Variants in COL5A2 observed in about 807,000 individuals in gnomAD.
COL5A2 encodes collagen type V alpha 2 chain.
Under a neutral mutation model 208.2 loss-of-function variants are expected in COL5A2, and 23 were observed. That is an observed-to-expected ratio of 0.11 (90% CI 0.08 to 0.16). The LOEUF (loss-of-function observed/expected upper bound fraction) is 0.16. Ranked by LOEUF, COL5A2 falls within the 10% of genes least tolerant of loss-of-function variation. The pLI is 1.00. For missense variants in COL5A2, 1,590 were observed against 1,956.4 expected (o/e 0.81, Z 3.53); for synonymous variants, 625 against 628.5 (o/e 0.99, Z 0.08).
intron 1 of COL5A2, among the ~76,000 whole-genome samples, chr2:189,147,865 A>C (rs1576556122): frequency 1.3e-5 from 2 of 152,206 alleles, no homozygotes; most frequent in East Asian, 3.9e-4. Flanking sequence ...GAGAAGGAGG[A>C]AGAGAAGCTT....
chr2:189,409,041 T>C, the COL5A2 span, among the ~76,000 whole-genome samples: 13 of 152,158 alleles, frequency 8.5e-5, no homozygotes, highest in African/African-American at 2.9e-4. Context: ...TTTCACTCCA[T>C]GGCATTTATC....
chr2:189,200,227 C>G (rs765536407), intron 1 of COL5A2, among the ~76,000 whole-genome samples: 1 of 152,082 alleles, frequency 6.6e-6, no homozygotes, highest in African/African-American at 2.4e-5. Flanking sequence ...AACTAAACAA[C>G]TAATCCAAAT....
chr2:189,170,509 G>A (rs192451652), intron 1 of COL5A2, among the ~76,000 whole-genome samples: 163 of 152,258 alleles, frequency 1.1e-3, no homozygotes, highest in African/African-American at 3.7e-3. Flanking sequence ...GCAGAACTTG[G>A]AGGAAAACAT....
At chr2:189,436,323 G>C in the COL5A2 span, among the ~76,000 whole-genome samples, 1 of 152,128 alleles carries the variant, frequency 6.6e-6, no homozygotes, top group Non-Finnish European at 1.5e-5. Context: ...CACAGCAAAA[G>C]AAACTACCAT....
intron 1 of COL5A2, among the ~76,000 whole-genome samples, chr2:189,221,399 G>A (rs1159995529): frequency 6.6e-6 from 1 of 152,060 alleles, no homozygotes; most frequent in African/African-American, 2.4e-5. Flanking sequence ...TGTATCCTGT[G>A]CTGGTAATAA....
chr2:189,214,583 T>A (rs1280173736), intron 1 of COL5A2, among the ~76,000 whole-genome samples: 1 of 152,154 alleles, frequency 6.6e-6, no homozygotes, highest in Non-Finnish European at 1.5e-5. Context: ...CTTCATTTTT[T>A]AATATTTATT....
chr2:189,255,306 C>G, the COL5A2 span, among the ~76,000 whole-genome samples: 1 of 152,164 alleles, frequency 6.6e-6, no homozygotes, highest in African/African-American at 2.4e-5. Flanking sequence ...ATTATTAAAA[C>G]AGTAACATTT....
In COL5A2 at chr2:189,224,819, T is replaced by G. The variant is rs377231935; in HGVS notation, c.-42+329A>C. Among the ~76,000 whole-genome samples the G allele has an allele frequency of 2.6e-5, 4 of 151,902 alleles. No homozygotes were observed. In the East Asian group the frequency reaches 7.7e-4, roughly 29 times the overall value. On this transcript the variant is annotated intron_variant, in intron 1 of 10. Coordinates refer to the COL5A2 transcript ENST00000649966. ...TTCTATGCATCCAAAAACCATTAAG[T>G]GAAAGTAAGAACATATAAAAAAAAA... is the stretch of plus-strand genomic sequence containing the variant.
At chr2:189,163,412 A>G (rs187096507) in intron 1 of COL5A2, among the ~76,000 whole-genome samples, 1 of 152,300 alleles carries the variant, frequency 6.6e-6, no homozygotes, top group East Asian at 1.9e-4. Flanking sequence ...TTTTCTCTCT[A>G]ATTGGAAAAT....
chr2:189,061,541 G>A (rs746971278), intron 30 of COL5A2, 21 bp downstream of exon 30: 29 of 1,594,092 alleles, frequency 1.8e-5, no homozygotes, highest in Non-Finnish European at 2.4e-5. Flanking sequence ...AGATGAAATG[G>A]AAAACCGAAT....
At position 189,084,056 on chromosome 2, in the gene COL5A2, A is replaced by G; in HGVS notation, c.799-19T>C. On this transcript the variant is annotated intron_variant, in intron 11 of 53. Transcript: ENST00000374866. ...GTTCACCCTTTATGGAAAAAAATGT[A>G]GGAGATTGGGAAGGCAAAAGTGATT... is the stretch of plus-strand genomic sequence containing the variant. The G allele has an allele frequency of 1.3e-6, 2 of 1,599,580 alleles. No homozygotes were observed. Among genetic ancestry groups the G allele is most frequent in the Non-Finnish European group, 1.7e-6 (2 of 1,166,898 alleles).
Position 189,057,167 on chromosome 2 carries a change from A to G in COL5A2, c.2338-141T>C, listed in dbSNP as rs572291980. On this transcript the variant is annotated intron_variant, in intron 34 of 53. Coordinates refer to ENST00000374866, the MANE Select transcript of COL5A2 (RefSeq NM_000393.5). The stretch of plus-strand genomic sequence containing the variant: ...CCTGGGATGGTGCCTCACACTGTGC[A>G]TTTTCTCAGTAAATGTTTATTAGAA... 2.8e-6 allele frequency: 3 copies of G among 1,074,766 alleles called. No individual in the cohort carries two copies. The African/African-American group carries it at 4.7e-5, about 17-fold the overall frequency. 66.6% of individuals were successfully genotyped at this position (1,074,766 alleles called of 1,614,324 possible).
At chr2:189,339,732 C>T in the COL5A2 span, among the ~76,000 whole-genome samples, 1 of 152,156 alleles carries the variant, frequency 6.6e-6, no homozygotes, top group African/African-American at 2.4e-5. Flanking sequence ...CAGCAGGAAG[C>T]AGGTGGTCAG....
chr2:189,036,470 T>G, intron 52 of COL5A2, 146 bp downstream of exon 52: 2 of 638,560 alleles, frequency 3.1e-6, no homozygotes, highest in South Asian at 4.5e-5. Context: ...GTATTACAAT[T>G]GTAACTAATG....
At chr2:189,178,013 T>A (rs985074488) in intron 1 of COL5A2, among the ~76,000 whole-genome samples, 1 of 152,140 alleles carries the variant, frequency 6.6e-6, no homozygotes, top group Non-Finnish European at 1.5e-5. Context: ...TAGAGTCAAA[T>A]TTTCAATTTC....
intron 1 of COL5A2, among the ~76,000 whole-genome samples, chr2:189,221,971 A>C (rs1224660508): frequency 6.6e-6 from 1 of 152,166 alleles, no homozygotes; most frequent in Non-Finnish European, 1.5e-5. Context: ...GAATGTGTAC[A>C]TAAGACAGTT....
chr2:189,417,325 C>T, the COL5A2 span, among the ~76,000 whole-genome samples: 2 of 152,060 alleles, frequency 1.3e-5, no homozygotes, highest in African/African-American at 4.8e-5. Context: ...TATAAAATTT[C>T]TGGAATCTAT....
At chr2:189,068,996 C>T (rs1686213464) in intron 18 of COL5A2, 112 bp from the exon 19 acceptor site, 1 of 782,852 alleles carries the variant, frequency 1.3e-6, no homozygotes, top group Admixed American at 2.0e-5. Context: ...CTGAAAGAGG[C>T]CAAAGAGGAT....
At position 189,041,200 on chromosome 2, in the gene COL5A2, C is replaced by G. The variant is rs564650739; in HGVS notation, c.3633+386G>C. The stretch of plus-strand genomic sequence containing the variant: ...CCTGAATGTTTTCAATGGAGAAAAA[C>G]TTCAATTTCATACTCTTCATTGTCC... On this transcript the variant is annotated intron_variant, in intron 50 of 53. Coordinates refer to ENST00000374866, the MANE Select transcript of COL5A2 (RefSeq NM_000393.5). Among the ~76,000 whole-genome samples the G allele has an allele frequency of 1.6e-4, 25 of 152,292 alleles. 2 individuals are homozygous for G. The South Asian group carries it at 4.8e-3, about 29-fold the overall frequency.
Sources: allele counts gnomAD v4.1 joint callset (sites outside exome capture counted in the v4.1 genomes callset), GRCh38; gene constraint gnomAD v4.1.1; transcripts MANE v1.5; gene names NCBI Gene and HGNC (gene_info 2026-07-23, HGNC 2026-07-21).